PPARG: variants seen among roughly 807,000 people sequenced by gnomAD.
The protein encoded by PPARG is peroxisome proliferator activated receptor gamma.
A neutral mutation model predicts 39.2 loss-of-function variants in PPARG; 17 were observed. The observed-to-expected ratio is 0.43, with a 90% confidence interval of 0.30 to 0.65. PPARG has a LOEUF of 0.65. Ranked by LOEUF, PPARG falls within the 30% of genes least tolerant of loss-of-function variation. The pLI, the probability that PPARG is intolerant of heterozygous loss-of-function variation, is 0.13. For missense variants in PPARG, 406 were observed against 585.9 expected (o/e 0.69, Z 3.17); for synonymous variants, 223 against 215.7 (o/e 1.03, Z -0.30).
intron 7 of PPARG, among the ~76,000 whole-genome samples, chr3:12,422,318 T>C (rs2051290771): frequency 6.6e-6 from 1 of 152,178 alleles, no homozygotes. Flanking sequence ...GCTGCATACA[T>C]GGTCTTTCAT....
chr3:12,331,182 A>G (rs2047848033), intron 2 of PPARG, among the ~76,000 whole-genome samples: 1 of 152,222 alleles, frequency 6.6e-6, no homozygotes, highest in African/African-American at 2.4e-5. Context: ...AAGCAGAAAA[A>G]GAACAAGTAT....
At chr3:12,361,322 C>T (rs565612594) in intron 2 of PPARG, among the ~76,000 whole-genome samples, 6 of 152,062 alleles carry the variant, frequency 3.9e-5, no homozygotes, top group Non-Finnish European at 8.8e-5. Flanking sequence ...ACTCTGTGTG[C>T]TTTTTCGTTT....
intron 2 of PPARG, among the ~76,000 whole-genome samples, chr3:12,327,626 G>A (rs1249493365): frequency 1.3e-5 from 2 of 152,120 alleles, no homozygotes; most frequent in Non-Finnish European, 2.9e-5. Context: ...TGTTGAGAAA[G>A]GCTTCAGACC....
At chr3:12,381,850 C>G (rs2049675668) in intron 4 of PPARG, among the ~76,000 whole-genome samples, 1 of 152,188 alleles carries the variant, frequency 6.6e-6, no homozygotes, top group Admixed American at 6.5e-5. Context: ...GGTGACTTCT[C>G]CAAGGTGTCA....
rs775838581 is a variant in PPARG at position 12,379,762 on chromosome 3, C to T, written c.51C>T (p.Ser17=). Reference sequence around the variant, plus strand: ...GGCCCACCAACTTTGGGATCAGCTCCGTGGATCTCTCCGTAATGGAAGACC... The same window carrying T: ...GGCCCACCAACTTTGGGATCAGCTCTGTGGATCTCTCCGTAATGGAAGACC... ...PFWPTNFGIS[S]VDLSVMEDHS... The change falls in exon 3 of 8, where the codon TCC becomes TCT. Residue 17 remains serine (S), a synonymous_variant. Coordinates refer to ENST00000651735, the MANE Select transcript of PPARG (RefSeq NM_138711.6). The T allele has an allele frequency of 1.8e-5, 29 of 1,613,986 alleles. No homozygotes were observed. The highest frequency in any genetic ancestry group is 2.2e-5 in the East Asian group (1 of 44,844).
At chr3:12,405,819 A>G in intron 5 of PPARG, 63 bp from the exon 6 acceptor site, 2 of 1,533,136 alleles carry the variant, frequency 1.3e-6, no homozygotes, top group Non-Finnish European at 1.8e-6. Flanking sequence ...CTGGGAGAGC[A>G]CAGTGTGTGT....
At chr3:12,364,687 C>T (rs1356441193) in intron 2 of PPARG, among the ~76,000 whole-genome samples, 1 of 152,166 alleles carries the variant, frequency 6.6e-6, no homozygotes, top group Admixed American at 6.5e-5. Context: ...TCTGTTGCTC[C>T]ACATCCTCAT....
At chr3:12,395,999 C>G (rs1345066398) in intron 5 of PPARG, among the ~76,000 whole-genome samples, 1 of 152,180 alleles carries the variant, frequency 6.6e-6, no homozygotes, top group African/African-American at 2.4e-5. Context: ...AATGTTGCTT[C>G]TTTAGTCAAA....
In PPARG at chr3:12,298,298, C is replaced by CAA. The variant is rs58459399; in HGVS notation, c.-83+9192_-83+9193dup. ...TGGGCGACAGAGCGAGACTCTGTCT[C>CAA]AAAAAAAAAAAAAAAAAAAAAAAAA... On this transcript the variant is annotated intron_variant, in intron 1 of 7. Transcript: ENST00000651735. Among the ~76,000 whole-genome samples the CAA allele has an allele frequency of 8.7e-4, 36 of 41,356 alleles. 2 individuals are homozygous for CAA. Among genetic ancestry groups the CAA allele is most frequent in the African/African-American group, 4.1e-3 (26 of 6,400 alleles). 27.1% of individuals were successfully genotyped at this position (41,356 alleles called of 152,430 possible). A position where few individuals can be genotyped will look rare whatever the true frequency, so the allele number is the denominator to read the frequency against.
chr3:12,363,443 G>A (rs2048917663), intron 2 of PPARG, among the ~76,000 whole-genome samples: 1 of 152,178 alleles, frequency 6.6e-6, no homozygotes, highest in Non-Finnish European at 1.5e-5. Flanking sequence ...CATTAAGAGT[G>A]CTTGACACAG....
intron 7 of PPARG, among the ~76,000 whole-genome samples, chr3:12,421,130 C>T (rs893802518): frequency 1.1e-4 from 17 of 152,206 alleles, no homozygotes; most frequent in African/African-American, 3.1e-4. Context: ...CTAGTGCCAC[C>T]GTGGAACTAA....
intron 2 of PPARG, among the ~76,000 whole-genome samples, chr3:12,335,432 G>A (rs1042919943): frequency 2.6e-5 from 4 of 152,138 alleles, no homozygotes; most frequent in Non-Finnish European, 1.5e-5. Flanking sequence ...ATTTTTAATA[G>A]GATACTTATT....
intron 1 of PPARG, among the ~76,000 whole-genome samples, chr3:12,299,588 C>T (rs535942942): frequency 6.6e-6 from 1 of 152,266 alleles, no homozygotes; most frequent in East Asian, 1.9e-4. Flanking sequence ...TAAGTTATTA[C>T]TTTCCTTGAA....
chr3:12,365,984 A>C (rs1396288367), intron 2 of PPARG, among the ~76,000 whole-genome samples: 1 of 152,116 alleles, frequency 6.6e-6, no homozygotes, highest in Non-Finnish European at 1.5e-5. Flanking sequence ...TCTATAGATC[A>C]AGTTGGGATG....
chr3:12,413,071 G>A (rs2050935245), intron 6 of PPARG, among the ~76,000 whole-genome samples: 1 of 152,216 alleles, frequency 6.6e-6, no homozygotes, highest in African/African-American at 2.4e-5. Context: ...AACAGCCATG[G>A]AAGTGCAGTA....
At chr3:12,405,779 A>G (rs1301557438) in intron 5 of PPARG, 103 bp from the exon 6 acceptor site, 1 of 1,172,544 alleles carries the variant, frequency 8.5e-7, no homozygotes, top group Non-Finnish European at 1.3e-6. Context: ...GCAGTGGAGG[A>G]GGAGGGCTTC....
At chr3:12,403,203 G>A (rs113652208) in intron 5 of PPARG, among the ~76,000 whole-genome samples, 17,398 of 150,220 alleles carry the variant, frequency 0.12, 1,409 homozygotes, top group Admixed American at 0.22. Context: ...TGAGGTGGGA[G>A]AATCGCTTGA....
intron 6 of PPARG, among the ~76,000 whole-genome samples, chr3:12,415,873 A>G (rs2051037987): frequency 6.6e-6 from 1 of 152,222 alleles, no homozygotes; most frequent in African/African-American, 2.4e-5. Context: ...AGAGGATTTC[A>G]TCTAAAACGG....
At chr3:12,420,986 T>C (rs1293099874) in intron 7 of PPARG, among the ~76,000 whole-genome samples, 1 of 152,206 alleles carries the variant, frequency 6.6e-6, no homozygotes, top group Non-Finnish European at 1.5e-5. Flanking sequence ...GTTCAGGACT[T>C]GGTACCTTTT....
Sources: gnomAD v4.1 joint callset for allele counts (sites outside exome capture counted in the v4.1 genomes callset) on GRCh38, gnomAD v4.1.1 for gene constraint, MANE v1.5 for transcripts, NCBI Gene and HGNC (gene_info 2026-07-23, HGNC 2026-07-21) for gene names.